Variants in DSCAM observed in about 807,000 individuals in gnomAD.
DSCAM encodes the protein cell adhesion molecule DSCAM.
DSCAM carries 47 observed loss-of-function variants against 217.7 expected under a neutral mutation model. The ratio of observed to expected loss-of-function variants is 0.22; its 90% CI spans 0.17 to 0.28. DSCAM has a LOEUF of 0.28. Ranked by LOEUF, DSCAM falls within the 10% of genes least tolerant of loss-of-function variation. The probability of loss-of-function intolerance (pLI) is 1.00; values close to 1 mark genes in which losing one functional copy is unlikely to be tolerated. For missense variants in DSCAM, 2,080 were observed against 2,618.3 expected, an observed-to-expected ratio of 0.79 and a Z score of 4.49; for synonymous variants, 1,056 against 1,015.3, an observed-to-expected ratio of 1.04 and a Z score of -0.76.
At chr21:40,792,709 A>G (rs1382319233) in intron 1 of DSCAM, among the ~76,000 whole-genome samples, 10 of 152,218 alleles carry the variant, frequency 6.6e-5, no homozygotes, top group Admixed American at 6.5e-4. Context: ...ATGGAAGCCT[A>G]TGATACCTGG....
At chr21:40,746,997 T>A (rs2091181457) in intron 1 of DSCAM, among the ~76,000 whole-genome samples, 1 of 151,780 alleles carries the variant, frequency 6.6e-6, no homozygotes, top group Non-Finnish European at 1.5e-5. Context: ...AAAATAAAAT[T>A]TAAAAATTTC....
At chr21:40,653,064 G>A (rs1335894596) in intron 3 of DSCAM, among the ~76,000 whole-genome samples, 1 of 152,202 alleles carries the variant, frequency 6.6e-6, no homozygotes, top group Non-Finnish European at 1.5e-5. Context: ...AGGTCTCCGG[G>A]AAAGACAACT....
chr21:40,081,143 C>T (rs1028710576), intron 24 of DSCAM, among the ~76,000 whole-genome samples: 2 of 152,178 alleles, frequency 1.3e-5, no homozygotes, highest in African/African-American at 2.4e-5. Flanking sequence ...GCCTGAAGCC[C>T]ATGTTCTTCA....
At chr21:40,027,125 T>G (rs2088405543) in intron 32 of DSCAM, among the ~76,000 whole-genome samples, 1 of 152,210 alleles carries the variant, frequency 6.6e-6, no homozygotes, top group African/African-American at 2.4e-5. Flanking sequence ...TTATTTCTCC[T>G]TCACTTATGA....
At chr21:40,697,198 T>G (rs909416771) in intron 2 of DSCAM, among the ~76,000 whole-genome samples, 1 of 152,152 alleles carries the variant, frequency 6.6e-6, no homozygotes, top group African/African-American at 2.4e-5. Flanking sequence ...TCACTTAGCA[T>G]AGCAACCTCC....
chr21:40,732,928 G>A (rs1702231239), intron 1 of DSCAM, among the ~76,000 whole-genome samples: 1 of 152,156 alleles, frequency 6.6e-6, no homozygotes, highest in South Asian at 2.1e-4. Flanking sequence ...CCATGTGATT[G>A]GCAGGTCAGA....
intron 21 of DSCAM, among the ~76,000 whole-genome samples, chr21:40,089,378 C>A (rs1489145751): frequency 6.6e-6 from 1 of 152,218 alleles, no homozygotes; most frequent in African/African-American, 2.4e-5. Flanking sequence ...CCAGGTGATT[C>A]TGATGAGAAA....
intron 1 of DSCAM, among the ~76,000 whole-genome samples, chr21:40,722,753 A>G (rs980594973): frequency 3.3e-5 from 5 of 152,154 alleles, no homozygotes; most frequent in Non-Finnish European, 7.4e-5. Flanking sequence ...TGAATAAAAA[A>G]TAAATACCTA....
chr21:40,794,060 AC>A (rs945490557), intron 1 of DSCAM, among the ~76,000 whole-genome samples: 7 of 152,098 alleles, frequency 4.6e-5, no homozygotes, highest in African/African-American at 1.7e-4. Context: ...GAAAAGGCCA[AC>A]CTTCCTTGGC....
Position 40,620,147 on chromosome 21 carries a change from AAAG to A in DSCAM, c.508+72660_508+72662del, listed in dbSNP as rs1230147727. 4.5e-5 allele frequency among the ~76,000 whole-genome samples: 6 copies of A among 133,868 alleles called. 1 individual carries two copies. Among genetic ancestry groups the A allele is most frequent in the Non-Finnish European group, 6.3e-5 (4 of 63,532 alleles). The allele number at this position is 133,868 out of a possible 152,430, so 87.8% of individuals were successfully genotyped here. On this transcript the variant is annotated intron_variant, in intron 3 of 32. Coordinates refer to ENST00000400454, the MANE Select transcript of DSCAM (RefSeq NM_001389.5). ...AAAGAGAGAGAGAAAGAGAGAGAAA[AAAG>A]AAAAAGAAAGAAAGAGAGAGAGAAA...
intron 27 of DSCAM, among the ~76,000 whole-genome samples, chr21:40,070,463 A>G (rs1434965399): frequency 1.3e-5 from 2 of 152,220 alleles, no homozygotes; most frequent in East Asian, 3.8e-4. Flanking sequence ...AAGAAAACAC[A>G]AAGCACAGAA....
At chr21:40,107,607 A>G (rs1172550580) in intron 20 of DSCAM, among the ~76,000 whole-genome samples, 1 of 152,136 alleles carries the variant, frequency 6.6e-6, no homozygotes, top group Non-Finnish European at 1.5e-5. Context: ...GGGGTGTTAA[A>G]GTCTCCCACT....
intron 32 of DSCAM, among the ~76,000 whole-genome samples, chr21:40,029,426 G>GTTT (rs924937730): frequency 1.2e-4 from 17 of 141,650 alleles, no homozygotes; most frequent in Admixed American, 2.8e-4. Context: ...ATTTGAGGTT[G>GTTT]TTTTTTTTTT....
chr21:40,215,079 C>T lies in DSCAM; in HGVS notation c.2357-25841G>A, dbSNP rs1486211852. 3.4e-5 allele frequency among the ~76,000 whole-genome samples: 3 copies of T among 89,162 alleles called. 1 individual carries two copies. The highest frequency in any genetic ancestry group is 7.3e-5 in the Non-Finnish European group (3 of 41,004). 58.5% of individuals were successfully genotyped at this position (89,162 alleles called of 152,430 possible). The stretch of plus-strand genomic sequence containing the variant: ...CTAAAAGTACAAAAAATTAGCCGGG[C>T]GCGGTGGCGGGCGCCTGTAGTCCCA... On this transcript the variant is annotated intron_variant, in intron 11 of 32. Coordinates refer to ENST00000400454, the MANE Select transcript of DSCAM (RefSeq NM_001389.5).
rs79643841 is a variant in DSCAM, at chr21:40,615,962, A to G, written c.508+76848T>C. ...TCTTCAAGAAAGCTCCCTTTCTGAT[A>G]GAAATGATAACGTTTTGAAATCAAA... On this transcript the variant is annotated intron_variant, in intron 3 of 32. Transcript: ENST00000400454. Among the ~76,000 whole-genome samples, 1,114 of 152,256 alleles carry G rather than the reference A, an allele frequency of 7.3e-3. 8 individuals are homozygous for G. Among genetic ancestry groups the G allele is most frequent in the Non-Finnish European group, 0.012 (827 of 68,030 alleles).
rs146387972 is a variant in DSCAM at position 40,457,418 on chromosome 21, G to A, written c.509-88173C>T. Among the ~76,000 whole-genome samples, 1,224 of 152,134 alleles carry A rather than the reference G, an allele frequency of 8.0e-3. 36 individuals carry two copies. The highest frequency in any genetic ancestry group is 0.065 in the East Asian group (335 of 5,154). On this transcript the variant is annotated intron_variant, in intron 3 of 32. Coordinates refer to ENST00000400454, the MANE Select transcript of DSCAM (RefSeq NM_001389.5). The stretch of plus-strand genomic sequence containing the variant: ...TCCCAGCTACTCAGGAGGCTGAAGC[G>A]GGAGGATTGCTTGAGCCCGGGAGTT...
intron 11 of DSCAM, among the ~76,000 whole-genome samples, chr21:40,259,226 T>C (rs781038866): frequency 6.6e-6 from 1 of 151,414 alleles, no homozygotes; most frequent in Non-Finnish European, 1.5e-5. Flanking sequence ...CAGAGTGCAA[T>C]GCAAAGTTCT....
chr21:40,232,731 T>C (rs2091392942), intron 11 of DSCAM, among the ~76,000 whole-genome samples: 1 of 152,168 alleles, frequency 6.6e-6, no homozygotes. Flanking sequence ...TTAGTATTTA[T>C]CATATTTGTA....
chr21:40,487,271 CTCTG>C (rs1249677440), intron 3 of DSCAM, among the ~76,000 whole-genome samples: 1 of 151,314 alleles, frequency 6.6e-6, no homozygotes, highest in African/African-American at 2.4e-5. Flanking sequence ...CTCTCTCTCT[CTCTG>C]TGTGTGTGCA....
Sources: gnomAD v4.1 joint callset for allele counts (sites outside exome capture counted in the v4.1 genomes callset) on GRCh38, gnomAD v4.1.1 for gene constraint, MANE v1.5 for transcripts, NCBI Gene and HGNC (gene_info 2026-07-23, HGNC 2026-07-21) for gene names.